Variants in PHLPP1 observed in about 807,000 individuals in gnomAD.
PHLPP1 encodes the protein PH domain leucine-rich repeat-containing protein phosphatase 1.
In PHLPP1, 42 loss-of-function variants were observed where a neutral mutation model predicts 117.2. The observed-to-expected ratio is 0.36, with a 90% CI of 0.28 to 0.46. PHLPP1 has a LOEUF of 0.46. PHLPP1 is among the 20% of genes least tolerant of loss of function. The pLI is 1.00. For missense variants in PHLPP1, 2,084 were observed against 2,241.9 expected (o/e 0.93, Z 1.42); for synonymous variants, 1,042 against 970.7 (o/e 1.07, Z -1.37).
chr18:62,810,156 C>T (rs536749924), intron 1 of PHLPP1, among the ~76,000 whole-genome samples: 8 of 152,308 alleles, frequency 5.3e-5, no homozygotes, highest in South Asian at 4.1e-4. Flanking sequence ...AGAAATTGCC[C>T]TACTACAGAC....
At chr18:62,860,355 G>A in intron 3 of PHLPP1, 80 bp from the exon 4 acceptor site, 1 of 1,146,178 alleles carries the variant, frequency 8.7e-7, no homozygotes, top group Non-Finnish European at 1.3e-6. Context: ...GTTCCAAATT[G>A]GGATTATCTT....
At chr18:62,859,727 T>A (rs1383115205) in intron 3 of PHLPP1, among the ~76,000 whole-genome samples, 1 of 152,224 alleles carries the variant, frequency 6.6e-6, no homozygotes, top group Non-Finnish European at 1.5e-5. Flanking sequence ...TAGCTCTGAA[T>A]TCTCTTTCTG....
intron 1 of PHLPP1, among the ~76,000 whole-genome samples, chr18:62,743,275 G>C (rs1237291525): frequency 6.6e-6 from 1 of 151,524 alleles, no homozygotes; most frequent in Non-Finnish European, 1.5e-5. Context: ...TAGTGAATAG[G>C]AAAAACTTAA....
intron 1 of PHLPP1, among the ~76,000 whole-genome samples, chr18:62,726,332 TG>T (rs902002667): frequency 2.6e-5 from 4 of 151,376 alleles, no homozygotes; most frequent in East Asian, 1.9e-4. Context: ...TTTTTTTTTT[TG>T]GGGGGGTTGG....
chr18:62,716,121 T>G lies in PHLPP1; in HGVS notation c.438T>G (p.Ala146=). The change falls in exon 1 of 17, where the codon GCT becomes GCG. Residue 146 remains alanine (A), a synonymous_variant. Transcript: ENST00000262719. The surrounding 1 kb of genome is among the most constrained non-coding windows in gnomAD (Gnocchi z 5.7). ...CCTCGTCGTCGTCGTCCTCGGCCGC[T>G]GCTGCCTCGCACTCCCCCGGCGCTG... ...AASSSSSSSA[A]AASHSPGAAG... The G allele has an allele frequency of 7.3e-6, 11 of 1,514,428 alleles. No individual in the cohort carries two copies. Among genetic ancestry groups the G allele is most frequent in the Non-Finnish European group, 9.7e-6 (11 of 1,138,206 alleles). The allele number at this position is 1,514,428 out of a possible 1,614,324, so 93.8% of individuals were successfully genotyped here.
chr18:62,729,567 C>T lies in PHLPP1; in HGVS notation c.1576+12308C>T, dbSNP rs574723681. 3.3e-5 allele frequency among the ~76,000 whole-genome samples: 5 copies of T among 152,110 alleles called. No homozygotes were observed. In the South Asian group the frequency reaches 6.2e-4, roughly 19 times the overall value. ...GTGTGCGGCTGTAATCCCAGCTACTCGGGAGGCCGAGGCAGGAGAATCGCT... is the reference window on the plus strand; with the variant it reads ...GTGTGCGGCTGTAATCCCAGCTACTTGGGAGGCCGAGGCAGGAGAATCGCT... On this transcript the variant is annotated intron_variant, in intron 1 of 16. Coordinates refer to ENST00000262719, the MANE Select transcript of PHLPP1 (RefSeq NM_194449.4).
At chr18:62,729,575 C>T (rs539566250) in intron 1 of PHLPP1, among the ~76,000 whole-genome samples, 12 of 151,786 alleles carry the variant, frequency 7.9e-5, no homozygotes, top group Non-Finnish European at 1.5e-4. Context: ...CTCGGGAGGC[C>T]GAGGCAGGAG....
chr18:62,740,128 C>G (rs1252501204), intron 1 of PHLPP1, among the ~76,000 whole-genome samples: 1 of 131,098 alleles, frequency 7.6e-6, no homozygotes, highest in Non-Finnish European at 1.6e-5. Flanking sequence ...GTTCCCTGCT[C>G]CTAATCTGTA....
chr18:62,975,900 G>A (rs1459110276), intron 16 of PHLPP1, among the ~76,000 whole-genome samples: 1 of 152,180 alleles, frequency 6.6e-6, no homozygotes, highest in Admixed American at 6.5e-5. Flanking sequence ...CTGCTTTGGT[G>A]GTTGAGGGCT....
At chr18:62,870,074 G>T (rs1386024433) in intron 4 of PHLPP1, among the ~76,000 whole-genome samples, 1 of 152,064 alleles carries the variant, frequency 6.6e-6, no homozygotes, top group Non-Finnish European at 1.5e-5. Flanking sequence ...TGTATTTTTA[G>T]TAGAGACGGA....
At chr18:62,756,637 A>G (rs543614482) in intron 1 of PHLPP1, among the ~76,000 whole-genome samples, 1 of 152,258 alleles carries the variant, frequency 6.6e-6, no homozygotes, top group South Asian at 2.1e-4. Flanking sequence ...GGTTCTACAT[A>G]ACACTTTTGG....
At chr18:62,895,263 G>A (rs1916527177) in intron 5 of PHLPP1, 106 bp downstream of exon 5, 3 of 1,172,146 alleles carry the variant, frequency 2.6e-6, no homozygotes, top group Admixed American at 4.4e-5. Flanking sequence ...GCTCATGTAA[G>A]TCTTGGCCCC....
intron 9 of PHLPP1, among the ~76,000 whole-genome samples, chr18:62,916,698 G>GA (rs1198933256): frequency 7.1e-6 from 1 of 140,220 alleles, no homozygotes; most frequent in African/African-American, 2.6e-5. Context: ...ATAATTCGTT[G>GA]AAAAAAATTT....
intron 1 of PHLPP1, among the ~76,000 whole-genome samples, chr18:62,722,322 A>G (rs1049264933): frequency 6.6e-6 from 1 of 152,304 alleles, no homozygotes; most frequent in African/African-American, 2.4e-5. Context: ...GTTATGTGCC[A>G]GGGTTTAACA....
chr18:62,756,285 G>A (rs1031734800), intron 1 of PHLPP1, among the ~76,000 whole-genome samples: 9 of 152,162 alleles, frequency 5.9e-5, no homozygotes, highest in Admixed American at 3.3e-4. Flanking sequence ...GTTCTAGAGG[G>A]CTTCAGCTCA....
intron 3 of PHLPP1, among the ~76,000 whole-genome samples, chr18:62,852,069 G>A (rs1051372391): frequency 6.6e-6 from 1 of 150,752 alleles, no homozygotes; most frequent in African/African-American, 2.4e-5. Flanking sequence ...TTGTAGAGAT[G>A]GGGTCTTGCT....
At chr18:62,902,492 T>G (rs1013225086) in intron 6 of PHLPP1, among the ~76,000 whole-genome samples, 2 of 152,242 alleles carry the variant, frequency 1.3e-5, no homozygotes, top group African/African-American at 4.8e-5. Flanking sequence ...AATTCCATGC[T>G]ACTCATCCGC....
intron 10 of PHLPP1, among the ~76,000 whole-genome samples, chr18:62,928,438 G>A (rs143430335): frequency 7.9e-5 from 12 of 152,228 alleles, no homozygotes; most frequent in Admixed American, 7.9e-4. Flanking sequence ...TTAGCCATTG[G>A]GGAAATGTAA....
intron 6 of PHLPP1, among the ~76,000 whole-genome samples, chr18:62,902,373 C>T (rs1411657394): frequency 6.6e-6 from 1 of 152,174 alleles, no homozygotes; most frequent in East Asian, 1.9e-4. Context: ...TGGTCCTGAG[C>T]AGTTGGGAGT....
Sources: allele counts gnomAD v4.1 joint callset (sites outside exome capture counted in the v4.1 genomes callset), GRCh38; gene constraint gnomAD v4.1.1; non-coding constraint Gnocchi (gnomAD v3.1); transcripts MANE v1.5; gene names NCBI Gene and HGNC (gene_info 2026-07-23, HGNC 2026-07-21).